Variants in DNAH14 observed in about 807,000 individuals in gnomAD.
The protein encoded by DNAH14 is dynein axonemal heavy chain 14.
A neutral mutation model predicts 520.9 loss-of-function variants in DNAH14; 478 were observed. That is an observed-to-expected ratio of 0.92 (90% CI 0.85 to 0.99). DNAH14 has a LOEUF of 0.99. Ranked by LOEUF, DNAH14 falls within the 50% of genes least tolerant of loss-of-function variation. The pLI is 0.00. For missense variants in DNAH14, 4,831 were observed against 5,234.5 expected (o/e 0.92, Z 2.38); for synonymous variants, 1,581 against 1,757.2 (o/e 0.90, Z 2.51).
intron 29 of DNAH14, among the ~76,000 whole-genome samples, 198 bp from the exon 30 acceptor site, chr1:225,145,128 A>G (rs2079816744): frequency 6.6e-6 from 1 of 152,232 alleles, no homozygotes; most frequent in Non-Finnish European, 1.5e-5. Context: ...CTATAAACTA[A>G]TCAACTGAAC....
Position 225,337,445 on chromosome 1 carries a change from T to G in DNAH14, c.10260T>G (p.Tyr3420Ter), listed in dbSNP as rs1291802816. The change falls in exon 67 of 86, where the codon TAT becomes TAG. Residue 3420 changes from tyrosine (Y) to a stop codon, truncating the protein, a stop_gained. Coordinates refer to ENST00000682510, the MANE Select transcript of DNAH14 (RefSeq NM_001367479.1). LOFTEE classifies it high-confidence loss of function. Reference protein sequence around the residue: ...LQKLSIEDSNYTKKIENAMKT... With the variant: ...LQKLSIEDSN ...AGCTCTCCATTGAAGACAGCAATTA[T>G]ACCAAAAAAATTGAAAATGCTATGA... 1.9e-6 allele frequency: 3 copies of G among 1,551,754 alleles called. No individual in the cohort carries two copies. Among genetic ancestry groups the G allele is most frequent in the Non-Finnish European group, 2.6e-6 (3 of 1,146,982 alleles).
chr1:225,357,832 C>A, intron 73 of DNAH14: 1 of 702,062 alleles, frequency 1.4e-6, no homozygotes, highest in South Asian at 1.5e-5. Flanking sequence ...TGAACATGTT[C>A]AGGACATATT....
chr1:225,373,411 G>C (rs2095643984), intron 77 of DNAH14, among the ~76,000 whole-genome samples: 1 of 151,708 alleles, frequency 6.6e-6, no homozygotes, highest in Non-Finnish European at 1.5e-5. Context: ...GTTGCAGTGA[G>C]CCGAGGTCGC....
intron 18 of DNAH14, among the ~76,000 whole-genome samples, chr1:225,079,963 G>A (rs910933596): frequency 6.6e-6 from 1 of 152,046 alleles, no homozygotes; most frequent in Non-Finnish European, 1.5e-5. Flanking sequence ...TTGAGCCACC[G>A]TGACCGGCCA....
Position 224,968,880 on chromosome 1 carries a change from G to A in DNAH14, c.767+6G>A. ...AAGATATTTTCTGATTTCCGGTGAG[G>A]TGAAAAAAATGAAACCAATTCTTTG... On this transcript the variant is annotated splice_donor_region_variant and intron_variant, in intron 7 of 85. Transcript: ENST00000682510. The A allele has an allele frequency of 6.5e-7, 1 of 1,527,144 alleles. No homozygotes were observed. The highest frequency in any genetic ancestry group is 1.2e-5 in the South Asian group (1 of 80,132). 94.6% of individuals were successfully genotyped at this position (1,527,144 alleles called of 1,614,324 possible). A position where few individuals can be genotyped will look rare whatever the true frequency, so the allele number is the denominator to read the frequency against.
At chr1:225,098,806 C>G (rs1023559371) in intron 22 of DNAH14, among the ~76,000 whole-genome samples, 9 of 152,226 alleles carry the variant, frequency 5.9e-5, no homozygotes, top group African/African-American at 1.9e-4. Flanking sequence ...CAAGAGAGTT[C>G]AAAGTGTCAC....
chr1:225,329,979 A>C (rs1023129906), intron 64 of DNAH14, among the ~76,000 whole-genome samples: 7 of 152,246 alleles, frequency 4.6e-5, no homozygotes, highest in African/African-American at 1.4e-4. Flanking sequence ...ATCCAATTTG[A>C]AAATGAGTAA....
intron 18 of DNAH14, among the ~76,000 whole-genome samples, 180 bp from the exon 19 acceptor site, chr1:225,080,199 C>G (rs1330804211): frequency 1.3e-5 from 2 of 152,134 alleles, no homozygotes; most frequent in African/African-American, 4.8e-5. Context: ...ACTAAAACCC[C>G]CTGAAATCTT....
intron 64 of DNAH14, among the ~76,000 whole-genome samples, chr1:225,326,562 G>A (rs535711220): frequency 9.9e-5 from 15 of 152,168 alleles, no homozygotes; most frequent in African/African-American, 3.1e-4. Context: ...CATTTTCACA[G>A]TTGTTGTGCC....
rs371938990 is a variant in DNAH14 at position 225,373,122 on chromosome 1, G to T, written c.12319-1566G>T. Among the ~76,000 whole-genome samples the T allele has an allele frequency of 1.1e-4, 16 of 142,802 alleles. 1 individual carries two copies. The highest frequency in any genetic ancestry group is 9.1e-4 in the East Asian group (4 of 4,400). The allele number at this position is 142,802 out of a possible 152,430, so 93.7% of individuals were successfully genotyped here. On this transcript the variant is annotated intron_variant, in intron 77 of 85. Transcript: ENST00000682510. ...TTACAGCCACTGAACATTGATAGCC[G>T]ATGTATTGTCCAATTGCGGCACAGT...
rs2093855074 is a variant in DNAH14, at chr1:225,290,645, G to GTATA, written c.8469+564_8469+565insATAT. 3.0e-4 allele frequency among the ~76,000 whole-genome samples: 12 copies of GTATA among 40,574 alleles called. 2 individuals are homozygous for GTATA. The highest frequency in any genetic ancestry group is 1.1e-3 in the African/African-American group (9 of 7,924). The allele number at this position is 40,574 out of a possible 152,430, so 26.6% of individuals were successfully genotyped here. On this transcript the variant is annotated intron_variant, in intron 55 of 85. Transcript: ENST00000682510. ...TGTATAGATATATGTGTGTGTGTGT[G>GTATA]TGTATATATATATATATATATATAT...
rs796162384 is a variant in DNAH14, at chr1:225,278,028, CTGTT to C, written c.8271+529_8271+532del. Reference sequence around the variant, plus strand: ...TGTTTATTTTATACTTTATTTATAACTGTTTGGTTAATTTGTGCACTTTTCTCAA... The same window carrying C: ...TGTTTATTTTATACTTTATTTATAACTGGTTAATTTGTGCACTTTTCTCAA... On this transcript the variant is annotated intron_variant, in intron 54 of 85. Transcript: ENST00000682510. Among the ~76,000 whole-genome samples the C allele has an allele frequency of 5.3e-5, 8 of 150,484 alleles. No homozygotes were observed. In the East Asian group the frequency reaches 5.8e-4, roughly 11 times the overall value.
chr1:224,931,354 T>C (rs993425833), intron 1 of DNAH14, among the ~76,000 whole-genome samples: 8 of 152,182 alleles, frequency 5.3e-5, no homozygotes, highest in African/African-American at 1.7e-4. Context: ...AATTTATTTT[T>C]ATATTTAAAT....
At chr1:225,198,596 A>G (rs1257171828) in intron 38 of DNAH14, among the ~76,000 whole-genome samples, 1 of 152,120 alleles carries the variant, frequency 6.6e-6, no homozygotes, top group South Asian at 2.1e-4. Flanking sequence ...GCATCTATTG[A>G]GATGATCTTG....
Position 224,960,318 on chromosome 1 carries a change from G to T in DNAH14, c.367+16G>T. ...GATAGAACAGGTATGTGGTATCACT[G>T]AACCAATTGCTTAGAAATCACTATA... On this transcript the variant is annotated intron_variant, in intron 4 of 85. Transcript: ENST00000682510. 6.5e-7 allele frequency: 1 copy of T among 1,537,686 alleles called. No individual in the cohort carries two copies. Among genetic ancestry groups the T allele is most frequent in the South Asian group, 1.3e-5 (1 of 77,588 alleles).
chr1:225,371,509 C>A (rs2095618575), intron 77 of DNAH14, among the ~76,000 whole-genome samples: 1 of 151,990 alleles, frequency 6.6e-6, no homozygotes, highest in Non-Finnish European at 1.5e-5. Flanking sequence ...CAAATAAAAT[C>A]AAGAATTAGA....
At chr1:225,220,823 C>T (rs1005821665) in intron 41 of DNAH14, among the ~76,000 whole-genome samples, 3 of 152,100 alleles carry the variant, frequency 2.0e-5, no homozygotes, top group African/African-American at 7.2e-5. Flanking sequence ...CACATGAAAC[C>T]AAAAATGAGC....
chr1:225,063,143 C>G (rs2070398878), intron 17 of DNAH14, among the ~76,000 whole-genome samples: 2 of 151,808 alleles, frequency 1.3e-5, no homozygotes, highest in African/African-American at 2.4e-5. Flanking sequence ...AGCAAAATAG[C>G]AAAACTTAAA....
intron 37 of DNAH14, among the ~76,000 whole-genome samples, chr1:225,191,326 A>T (rs2085407546): frequency 6.6e-6 from 1 of 151,892 alleles, no homozygotes; most frequent in African/African-American, 2.4e-5. Flanking sequence ...CTTTCATAAG[A>T]TGGTTTTGCT....
Sources: gnomAD v4.1 joint callset for allele counts (sites outside exome capture counted in the v4.1 genomes callset) on GRCh38, gnomAD v4.1.1 for gene constraint, MANE v1.5 for transcripts, NCBI Gene and HGNC (gene_info 2026-07-23, HGNC 2026-07-21) for gene names.